The following PLCL2 variants were observed in gnomAD, a reference collection of about 807,000 sequenced individuals.
PLCL2 encodes phospholipase C like 2.
PLCL2 carries 4 observed loss-of-function variants against 79.6 expected under a neutral mutation model. The observed-to-expected ratio is 0.05, with a 90% CI of 0.02 to 0.11. The LOEUF is 0.11. PLCL2 is among the 10% of genes least tolerant of loss of function. PLCL2 has a pLI of 1.00. For synonymous variants in PLCL2, 484 were observed against 457.7 expected, an observed-to-expected ratio of 1.06 and a Z score of -0.73; for missense variants, 895 against 1,291.0, an observed-to-expected ratio of 0.69 and a Z score of 4.70.
chr3:16,910,940 A>G (rs1333570139), intron 1 of PLCL2, among the ~76,000 whole-genome samples: 1 of 152,126 alleles, frequency 6.6e-6, no homozygotes, highest in Non-Finnish European at 1.5e-5. Flanking sequence ...AGTGTGCTGT[A>G]AGTATTATTC....
At chr3:16,971,239 A>G (rs1395164570) in intron 1 of PLCL2, among the ~76,000 whole-genome samples, 10 of 150,908 alleles carry the variant, frequency 6.6e-5, no homozygotes, top group African/African-American at 2.4e-4. Context: ...TAATTTTTGT[A>G]TAAGGTGTAA....
At chr3:16,988,323 AGC>A (rs1216813094) in intron 1 of PLCL2, among the ~76,000 whole-genome samples, 2 of 152,162 alleles carry the variant, frequency 1.3e-5, no homozygotes. Flanking sequence ...TGAAGGAAAG[AGC>A]GCTTTAAGCA....
chr3:17,037,190 G>A (rs867067392), intron 3 of PLCL2, among the ~76,000 whole-genome samples: 20 of 152,176 alleles, frequency 1.3e-4, no homozygotes, highest in African/African-American at 4.3e-4. Context: ...AGCAAGTCCT[G>A]CTTTGGTCCA....
chr3:17,052,277 G>T lies in PLCL2; in HGVS notation c.3094+9328G>T, dbSNP rs184557259. On this transcript the variant is annotated intron_variant, in intron 4 of 5. Transcript: ENST00000615277. ...AATTGGGGGGGGGTGAAGGTCTCAG[G>T]TTATGGATTTTGGAGAAAATCAAGA... Among the ~76,000 whole-genome samples, 199 of 150,982 alleles carry T rather than the reference G, an allele frequency of 1.3e-3. 1 individual carries two copies. The highest frequency in any genetic ancestry group is 2.3e-3 in the Non-Finnish European group (153 of 67,826).
rs550902816 is a variant in PLCL2 at position 17,009,078 on chromosome 3, G to A, written c.328-596G>A. Among the ~76,000 whole-genome samples the A allele has an allele frequency of 5.7e-4, 87 of 151,894 alleles. 1 individual carries two copies. In the South Asian group the frequency reaches 0.016, roughly 27 times the overall value. ...CAGCTCACTGCAACCTTTGCCTCACGGATTCAAACGATTCTCCTGCCTCAG... is the reference window on the plus strand; with the variant it reads ...CAGCTCACTGCAACCTTTGCCTCACAGATTCAAACGATTCTCCTGCCTCAG... On this transcript the variant is annotated intron_variant, in intron 1 of 5. Transcript: ENST00000615277. This position sits in a 1 kb window ranked among gnomAD's most constrained non-coding sequence, Gnocchi z 4.0.
intron 1 of PLCL2, among the ~76,000 whole-genome samples, chr3:16,924,316 C>T (rs892387392): frequency 3.9e-5 from 6 of 152,164 alleles, no homozygotes; most frequent in Non-Finnish European, 7.3e-5. Context: ...CATTTCTATA[C>T]TAATTTTATA....
chr3:16,979,909 C>G (rs1201307522), intron 1 of PLCL2, among the ~76,000 whole-genome samples: 23 of 150,532 alleles, frequency 1.5e-4, no homozygotes, highest in African/African-American at 4.6e-4. Context: ...TCCCAGTAGG[C>G]ACGGCCAGGC....
chr3:16,992,028 G>C (rs1174548578), intron 1 of PLCL2, among the ~76,000 whole-genome samples: 1 of 152,204 alleles, frequency 6.6e-6, no homozygotes, highest in East Asian at 1.9e-4. Context: ...AAGAATTTCT[G>C]AACTTGAAGA....
chr3:17,083,673 G>A (rs73151391), intron 5 of PLCL2, among the ~76,000 whole-genome samples: 2,208 of 152,278 alleles, frequency 0.014, 57 homozygotes, highest in African/African-American at 0.051. Context: ...GGTAAAAAGT[G>A]GTGAGAAACT....
chr3:16,977,429 A>C (rs1203747815), intron 1 of PLCL2, among the ~76,000 whole-genome samples: 2 of 152,144 alleles, frequency 1.3e-5, no homozygotes, highest in African/African-American at 2.4e-5. Flanking sequence ...CTCTCATGAC[A>C]TTCCTTTTAC....
chr3:16,962,849 CGT>C (rs2063768240), intron 1 of PLCL2, among the ~76,000 whole-genome samples: 1 of 152,060 alleles, frequency 6.6e-6, no homozygotes, highest in Admixed American at 6.6e-5. Context: ...GCAAAGAATA[CGT>C]GTGTGTTTAT....
chr3:17,014,681 A>G, intron 2 of PLCL2, 27 bp from the exon 3 acceptor site: 1 of 1,572,030 alleles, frequency 6.4e-7, no homozygotes, highest in Non-Finnish European at 8.8e-7. Flanking sequence ...AGTTAATTAC[A>G]AATGCTCCTT....
chr3:16,908,410 A>C (rs1479260184), intron 1 of PLCL2, among the ~76,000 whole-genome samples: 2 of 152,230 alleles, frequency 1.3e-5, no homozygotes, highest in Non-Finnish European at 2.9e-5. Context: ...TAGTTTGTTT[A>C]ATTTAGGGTC....
intron 1 of PLCL2, among the ~76,000 whole-genome samples, chr3:16,959,495 T>C (rs1208524293): frequency 1.3e-5 from 2 of 152,136 alleles, no homozygotes; most frequent in Non-Finnish European, 1.5e-5. Context: ...TCAATTCTCT[T>C]CCACCTTTCA....
chr3:16,954,779 G>A (rs2063687970), intron 1 of PLCL2, among the ~76,000 whole-genome samples: 1 of 152,236 alleles, frequency 6.6e-6, no homozygotes, highest in Admixed American at 6.5e-5. Flanking sequence ...GATGGCCAGT[G>A]ATGGTGAGCA....
chr3:17,082,465 C>T (rs912903183), intron 5 of PLCL2, among the ~76,000 whole-genome samples: 3 of 152,120 alleles, frequency 2.0e-5, no homozygotes, highest in Admixed American at 2.0e-4. Context: ...CATGCCTTAC[C>T]TCCAAGACAT....
At chr3:16,913,140 C>T (rs1039182034) in intron 1 of PLCL2, among the ~76,000 whole-genome samples, 1 of 152,132 alleles carries the variant, frequency 6.6e-6, no homozygotes, top group Non-Finnish European at 1.5e-5. Flanking sequence ...TCCCATGTAT[C>T]ATCAGTACTA....
intron 3 of PLCL2, among the ~76,000 whole-genome samples, chr3:17,025,881 A>G (rs60687253): frequency 0.029 from 4,339 of 152,022 alleles, 226 homozygotes; most frequent in African/African-American, 0.1. Context: ...ATTGCCTCTC[A>G]TTTTCACATG....
chr3:16,940,859 C>T (rs951287289), intron 1 of PLCL2, among the ~76,000 whole-genome samples: 3 of 152,136 alleles, frequency 2.0e-5, no homozygotes, highest in Non-Finnish European at 4.4e-5. Flanking sequence ...AGCGTGGTGC[C>T]AGCCCACAGG....
Sources: gnomAD v4.1 joint callset for allele counts (sites outside exome capture counted in the v4.1 genomes callset) on GRCh38, gnomAD v4.1.1 for gene constraint, Gnocchi (gnomAD v3.1) non-coding constraint, MANE v1.5 for transcripts, NCBI Gene and HGNC (gene_info 2026-07-23, HGNC 2026-07-21) for gene names.